The following DDX56 variants were observed in gnomAD, a reference collection of about 807,000 sequenced individuals.
The protein encoded by DDX56 is DEAD-box helicase 56, also known as probable ATP-dependent RNA helicase DDX56.
A neutral mutation model predicts 61.5 loss-of-function variants in DDX56; 45 were observed. That is an observed-to-expected ratio of 0.73 (90% confidence interval 0.58 to 0.94). DDX56 has a LOEUF of 0.94. Among genes scored for constraint, DDX56 ranks in the 40% least tolerant of loss-of-function variants. The pLI is 0.00. For synonymous variants in DDX56, 273 were observed against 268.3 expected (o/e 1.02, Z -0.17); for missense variants, 708 against 690.7 (o/e 1.02, Z -0.28).
chr7:44,572,853 A>T (rs781039262), intron 3 of DDX56, 37 bp downstream of exon 3: 13 of 1,590,078 alleles, frequency 8.2e-6, no homozygotes, highest in African/African-American at 2.7e-5. Flanking sequence ...AACACTGTGT[A>T]GCTTCATTCA....
In DDX56 at chr7:44,570,178, G is replaced by A. The variant is rs764803902; in HGVS notation, c.1011-50C>T. ...CGGACCCTTCCTCTCCTCTGGGCAC[G>A]TATTCACACGCTGAATCAGCAAAAC... is the stretch of plus-strand genomic sequence containing the variant. On this transcript the variant is annotated intron_variant, in intron 7 of 13. Transcript: ENST00000258772. 1.4e-5 allele frequency: 23 copies of A among 1,598,368 alleles called. No individual in the cohort carries two copies. The Admixed American group carries it at 2.1e-4, about 14-fold the overall frequency.
rs368401037 is a variant in DDX56, at chr7:44,569,209, G to T, written c.1220-6C>A. On this transcript the variant is annotated splice_polypyrimidine_tract_variant and splice_region_variant and intron_variant, in intron 9 of 13. Transcript: ENST00000258772. ...CAGAATGGGGCCCCTGTTCTCTGTG[G>T]AGAAGAAAGCAGCGAGGGTCCCACA... 3 of 1,613,514 alleles carry T rather than the reference G, an allele frequency of 1.9e-6. No homozygotes were observed. The highest frequency in any genetic ancestry group is 4.5e-5 in the East Asian group (2 of 44,884).
Position 44,570,114 on chromosome 7 carries a change from T to G in DDX56, c.1025A>C (p.Glu342Ala), listed in dbSNP as rs1222549467. Residue 342 changes from glutamate to alanine, a missense_variant, in exon 8 of 14, where the codon GAA becomes GCA. Transcript: ENST00000258772. ...GPKGDKASDP[E>A]AGVARGIDFH... ...GTCTATGCCCCGGGCCACACCTGCT[T>G]CCGGATCAGAGGCCCTGCAGAGATA... The G allele has an allele frequency of 1.9e-6, 3 of 1,614,022 alleles. No individual in the cohort carries two copies. Among genetic ancestry groups the G allele is most frequent in the South Asian group, 1.1e-5 (1 of 91,060 alleles).
At chr7:44,566,849 AG>A (rs1802551919) in intron 12 of DDX56, among the ~76,000 whole-genome samples, 1 of 152,150 alleles carries the variant, frequency 6.6e-6, no homozygotes, top group Admixed American at 6.5e-5. Context: ...CTACCGATAC[AG>A]GGGGCCCCGC....
At position 44,573,036 on chromosome 7, in the gene DDX56, T is replaced by C. The variant is rs1311769956; in HGVS notation, c.237A>G (p.Val79=). The C allele has an allele frequency of 6.3e-7, 1 of 1,592,204 alleles. No homozygotes were observed. Among genetic ancestry groups the C allele is most frequent in the South Asian group, 1.1e-5 (1 of 87,874 alleles). Reference sequence around the variant, plus strand: ...GAACAAGGCCTCTCACTGCCTGTTCTACCACCGGACCTGTCTGTAAGAATA... The same window carrying C: ...GAACAAGGCCTCTCACTGCCTGTTCCACCACCGGACCTGTCTGTAAGAATA... ...LLHRKATGPV[V]EQAVRGLVLV... is the part of the protein sequence containing the mutation. The change falls in exon 3 of 14, where the codon GTA becomes GTG. Residue 79 remains valine, a synonymous_variant. Coordinates refer to ENST00000258772, the MANE Select transcript of DDX56 (RefSeq NM_019082.4).
At chr7:44,570,653 C>A in intron 7 of DDX56, 105 bp downstream of exon 7, 2 of 1,445,712 alleles carry the variant, frequency 1.4e-6, no homozygotes, top group Non-Finnish European at 1.9e-6. Flanking sequence ...CCAGCCAGGC[C>A]TGGAAGGTTT....
chr7:44,570,609 A>T, intron 7 of DDX56, 149 bp downstream of exon 7: 1 of 1,102,898 alleles, frequency 9.1e-7, no homozygotes, highest in Non-Finnish European at 1.3e-6. Flanking sequence ...CAGGCAGCTG[A>T]GCAAGAACCT....
chr7:44,570,256 A>C lies in DDX56; in HGVS notation c.1011-128T>G, dbSNP rs1016704655. 6 of 1,204,368 alleles carry C rather than the reference A, an allele frequency of 5.0e-6. No individual in the cohort carries two copies. In the African/African-American group the frequency reaches 7.6e-5, roughly 15 times the overall value. 74.6% of individuals were successfully genotyped at this position (1,204,368 alleles called of 1,614,324 possible). On this transcript the variant is annotated intron_variant, in intron 7 of 13. Transcript: ENST00000258772. ...ACCCTGACATACAGAGGACTCTCCA[A>C]CAATGGAACCGTTCCAGGAGTCAGG...
chr7:44,570,650 G>A (rs1437473278), intron 7 of DDX56, 108 bp downstream of exon 7: 2 of 1,409,294 alleles, frequency 1.4e-6, no homozygotes, highest in Non-Finnish European at 1.9e-6. Flanking sequence ...CTACCAGCCA[G>A]GCCTGGAAGG....
intron 12 of DDX56, among the ~76,000 whole-genome samples, chr7:44,567,042 G>A (rs1057123283): frequency 3.3e-5 from 5 of 151,996 alleles, no homozygotes; most frequent in Middle Eastern, 3.4e-3. Context: ...TCCGCTATAC[G>A]AGCAGACTGG....
intron 1 of DDX56, 33 bp from the exon 2 acceptor site, chr7:44,573,777 G>T (rs775733802): frequency 1.1e-5 from 17 of 1,613,346 alleles, no homozygotes; most frequent in Non-Finnish European, 1.4e-5. Flanking sequence ...TAAGCGGCGT[G>T]AAGAGCGATG....
chr7:44,569,771 C>T, intron 9 of DDX56, 38 bp downstream of exon 9: 1 of 1,548,926 alleles, frequency 6.5e-7, no homozygotes, highest in East Asian at 2.3e-5. Context: ...TGGAAGAAGC[C>T]TGACCCTGGC....
At position 44,573,024 on chromosome 7, in the gene DDX56, C is replaced by T. The variant is rs992116662; in HGVS notation, c.249G>A (p.Val83=). 1 of 1,600,448 alleles carries T rather than the reference C, an allele frequency of 6.2e-7. No individual in the cohort carries two copies. Among genetic ancestry groups the T allele is most frequent in the Non-Finnish European group, 8.5e-7 (1 of 1,174,384 alleles). The change falls in exon 3 of 14, where the codon GTG becomes GTA. Residue 83 remains valine (V), a synonymous_variant. Transcript: ENST00000258772. ...TGGTAGGAACAAGAACAAGGCCTCT[C>T]ACTGCCTGTTCTACCACCGGACCTG... ...KATGPVVEQA[V]RGLVLVPTKE... is the part of the protein sequence containing the mutation.
Position 44,566,520 on chromosome 7 carries a change from AG to A in DDX56, c.1493del (p.Pro498LeufsTer59). On this transcript the variant is annotated frameshift_variant, in exon 13 of 14. Transcript: ENST00000258772. LOFTEE classifies it high-confidence loss of function. ...GGCGCACCAGGCCACGGAGAGCAGG[AG>A]GAACTGGAAGAGATGCTTGCCTGAG... ...HLGHVPDYLV[P>X]PALRGLVRPH... 1.9e-6 allele frequency: 3 copies of A among 1,558,332 alleles called. No individual in the cohort carries two copies. Among genetic ancestry groups the A allele is most frequent in the Non-Finnish European group, 2.6e-6 (3 of 1,148,668 alleles).
Position 44,568,180 on chromosome 7 carries a change from T to C in DDX56, c.1427A>G (p.His476Arg). The part of the protein sequence containing the change: ...DNPRDLQLLR[H>R]DLPLHPAVVK... ...CACTGCGGGGTGCAAAGGTAGGTCA[T>C]GCCGCAGCAGCTGGAGGTCCCTAGG... The change falls in exon 12 of 14, where the codon CAT (histidine) becomes CGT (arginine). Residue 476 changes from histidine (H) to arginine (R), a missense_variant. Physicochemically the swap from His to Arg is conservative, Grantham distance 29. Coordinates refer to ENST00000258772, the MANE Select transcript of DDX56 (RefSeq NM_019082.4). 1.2e-6 allele frequency: 2 copies of C among 1,614,066 alleles called. No homozygotes were observed.
chr7:44,573,149 C>T, intron 2 of DDX56, 99 bp from the exon 3 acceptor site: 1 of 1,103,054 alleles, frequency 9.1e-7, no homozygotes, highest in Non-Finnish European at 1.3e-6. Flanking sequence ...TGCTGCAACA[C>T]TACTTAGCAG....
Position 44,566,088 on chromosome 7 carries a change from G to A in DDX56, c.1567-9C>T, listed in dbSNP as rs369927831. The A allele has an allele frequency of 3.1e-6, 5 of 1,598,112 alleles. No homozygotes were observed. Among genetic ancestry groups the A allele is most frequent in the African/African-American group, 2.7e-5 (2 of 74,654 alleles). On this transcript the variant is annotated splice_polypyrimidine_tract_variant and intron_variant, in intron 13 of 13. Transcript: ENST00000258772. ...TTCTGGGACTTTGCTCTCTAAGGAG[G>A]CAAAGTCACAGGTTAGTTGGGGGAA...
In DDX56 at chr7:44,569,828, A is replaced by C; in HGVS notation, c.1200T>G (p.Ile400Met). ...TCTTACCTCCACTGAGAAGCTCCTCAATCTTGCCTAAGTGGAACTGCTCCG... is the reference window on the plus strand; with the variant it reads ...TCTTACCTCCACTGAGAAGCTCCTCCATCTTGCCTAAGTGGAACTGCTCCG... ...LPTEQFHLGK[I>M]EELLSGENRG... is the part of the protein sequence containing the mutation. The change falls in exon 9 of 14, where the codon ATT becomes ATG. Residue 400 changes from isoleucine to methionine, a missense_variant. Coordinates refer to ENST00000258772, the MANE Select transcript of DDX56 (RefSeq NM_019082.4). 1 of 1,609,338 alleles carries C rather than the reference A, an allele frequency of 6.2e-7. No homozygotes were observed. Among genetic ancestry groups the C allele is most frequent in the Non-Finnish European group, 8.5e-7 (1 of 1,177,412 alleles).
rs762889439 is a variant in DDX56, at chr7:44,571,687, T to C, written c.695A>G (p.Gln232Arg). ...ESQLPGPDQLQQFQVVCETEE... is the reference protein window; with the variant it reads ...ESQLPGPDQLRQFQVVCETEE... Reference sequence around the variant, plus strand: ...AGTCTCACAGACCACCTGAAACTGCTGTAACTGGTCTGGCCCAGGCAGCTG... The same window carrying C: ...AGTCTCACAGACCACCTGAAACTGCCGTAACTGGTCTGGCCCAGGCAGCTG... The change falls in exon 6 of 14, where the codon CAG becomes CGG. Residue 232 changes from glutamine (Q) to arginine (R), a missense_variant. Physicochemically the swap from Gln to Arg is conservative, Grantham distance 43 (BLOSUM62 1). Transcript: ENST00000258772. The C allele has an allele frequency of 1.9e-6, 3 of 1,614,130 alleles. No homozygotes were observed. Among genetic ancestry groups the C allele is most frequent in the Non-Finnish European group, 2.5e-6 (3 of 1,180,038 alleles).
Sources: allele counts gnomAD v4.1 joint callset (sites outside exome capture counted in the v4.1 genomes callset), GRCh38; gene constraint gnomAD v4.1.1; transcripts MANE v1.5; gene names NCBI Gene and HGNC (gene_info 2026-07-23, HGNC 2026-07-21).